GBE1: variants seen among roughly 807,000 people sequenced by gnomAD.
GBE1 encodes the protein 1,4-alpha-glucan branching enzyme 1.
Under a neutral mutation model 88.8 loss-of-function variants are expected in GBE1, and 70 were observed. The ratio of observed to expected loss-of-function variants is 0.79; its 90% CI spans 0.65 to 0.96. The LOEUF (loss-of-function observed/expected upper bound fraction) is 0.96, where lower values mean the gene tolerates loss of function less well. Ranked by LOEUF, GBE1 falls within the 40% of genes least tolerant of loss-of-function variation. The pLI, the probability that GBE1 is intolerant of heterozygous loss-of-function variation, is 0.00. For missense variants in GBE1, 872 were observed against 871.0 expected (o/e 1.00, Z -0.01); for synonymous variants, 284 against 300.1 (o/e 0.95, Z 0.56).
intron 3 of GBE1, among the ~76,000 whole-genome samples, chr3:81,666,066 T>C (rs577233884): frequency 1.1e-4 from 17 of 152,168 alleles, no homozygotes; most frequent in Non-Finnish European, 2.5e-4. Context: ...ATGGACTTGA[T>C]TCTTCAAGTA....
At chr3:81,496,440 T>C (rs373261061) in intron 15 of GBE1, among the ~76,000 whole-genome samples, 28 of 152,354 alleles carry the variant, frequency 1.8e-4, no homozygotes, top group African/African-American at 6.7e-4. Flanking sequence ...CTTTGGATTA[T>C]TAAGCTTGCA....
intron 7 of GBE1, chr3:81,612,219 T>TAAAAAAA: frequency 3.6e-6 from 1 of 280,402 alleles, no homozygotes. Flanking sequence ...CCACGCTCCT[T>TAAAAAAA]TAAAAAAAAA....
At chr3:81,732,564 A>G (rs1457203370) in intron 1 of GBE1, among the ~76,000 whole-genome samples, 1 of 152,036 alleles carries the variant, frequency 6.6e-6, no homozygotes, top group Non-Finnish European at 1.5e-5. Context: ...CTCACATCCA[A>G]TCCACCAGGA....
intron 1 of GBE1, among the ~76,000 whole-genome samples, chr3:81,737,134 G>T (rs1479015715): frequency 6.6e-6 from 1 of 151,072 alleles, no homozygotes; most frequent in African/African-American, 2.4e-5. Flanking sequence ...TTTCTCCTGA[G>T]TAGAAATAAT....
At chr3:81,545,614 A>ATGTG (rs3083686) in intron 12 of GBE1, among the ~76,000 whole-genome samples, 62,213 of 149,562 alleles carry the variant, frequency 0.42, 13,575 homozygotes, top group East Asian at 0.77. Flanking sequence ...TATCAAGCAT[A>ATGTG]TGTGTGTGTG....
At chr3:81,582,285 G>T (rs533562871) in intron 10 of GBE1, among the ~76,000 whole-genome samples, 31 of 152,186 alleles carry the variant, frequency 2.0e-4, no homozygotes, top group Middle Eastern at 6.8e-3. Flanking sequence ...TAAAAAGCAG[G>T]CATGAGTGTC....
At chr3:81,509,307 T>C (rs1576125443) in intron 14 of GBE1, among the ~76,000 whole-genome samples, 2 of 150,932 alleles carry the variant, frequency 1.3e-5, no homozygotes, top group Non-Finnish European at 3.0e-5. Flanking sequence ...TTTTTTTTTT[T>C]TTTTATAAAA....
intron 2 of GBE1, among the ~76,000 whole-genome samples, chr3:81,683,571 C>T (rs1705389809): frequency 6.6e-6 from 1 of 152,138 alleles, no homozygotes; most frequent in African/African-American, 2.4e-5. Context: ...AAATAGGTAT[C>T]CTCTTCTCAA....
intron 7 of GBE1, among the ~76,000 whole-genome samples, chr3:81,598,757 T>C (rs1360287198): frequency 6.6e-6 from 1 of 151,730 alleles, no homozygotes; most frequent in Admixed American, 6.6e-5. Context: ...TCAAATACTG[T>C]TAAATAATGA....
chr3:81,492,469 A>G (rs1471158733), intron 15 of GBE1, among the ~76,000 whole-genome samples: 1 of 152,046 alleles, frequency 6.6e-6, no homozygotes, highest in African/African-American at 2.4e-5. Context: ...AAACCAAAGC[A>G]AAGAAGGAGA....
At chr3:81,492,773 A>G (rs1244005401) in intron 15 of GBE1, among the ~76,000 whole-genome samples, 1 of 133,068 alleles carries the variant, frequency 7.5e-6, no homozygotes, top group Non-Finnish European at 1.6e-5. Flanking sequence ...GAGTCTTGCT[A>G]TGTCACCAGG....
chr3:81,714,455 A>G (rs1011503697), intron 1 of GBE1, among the ~76,000 whole-genome samples: 1 of 152,208 alleles, frequency 6.6e-6, no homozygotes, highest in Admixed American at 6.5e-5. Context: ...CATGTGAAAT[A>G]ATGAATACAC....
In GBE1 at chr3:81,670,907, T is replaced by C; in HGVS notation, c.360A>G (p.Gly120=). ...FSYPYKKLDY[G]KWELYIPPKQ... ...TTGGTGGGATATACAGCTCCCATTTTCCATAATCCAGTTTTTTGTATGGGT... is the reference window on the plus strand; with the variant it reads ...TTGGTGGGATATACAGCTCCCATTTCCCATAATCCAGTTTTTTGTATGGGT... The change falls in exon 3 of 16, where the codon GGA becomes GGG. Residue 120 remains glycine (G), a synonymous_variant. Transcript: ENST00000429644. The C allele has an allele frequency of 6.4e-7, 1 of 1,574,488 alleles. No individual in the cohort carries two copies.
chr3:81,625,405 C>T (rs1333077052), intron 7 of GBE1, among the ~76,000 whole-genome samples: 1 of 151,950 alleles, frequency 6.6e-6, no homozygotes. Context: ...TTACATCTTT[C>T]CTAAAACTGA....
intron 7 of GBE1, among the ~76,000 whole-genome samples, chr3:81,627,347 A>T (rs186344542): frequency 6.6e-6 from 1 of 152,326 alleles, no homozygotes; most frequent in African/African-American, 2.4e-5. Flanking sequence ...TGAGGAATAA[A>T]GTGGGAAACA....
intron 14 of GBE1, among the ~76,000 whole-genome samples, chr3:81,520,538 A>G (rs1173842443): frequency 6.6e-6 from 1 of 151,634 alleles, no homozygotes; most frequent in East Asian, 1.9e-4. Context: ...TGCCAACTTG[A>G]TAATGTTCTA....
chr3:81,544,528 A>G (rs780912860), intron 12 of GBE1, among the ~76,000 whole-genome samples: 1 of 152,188 alleles, frequency 6.6e-6, no homozygotes, highest in Admixed American at 6.5e-5. Context: ...TCAATATAGT[A>G]ACAGAACTGG....
intron 7 of GBE1, among the ~76,000 whole-genome samples, chr3:81,621,109 G>T (rs1162078604): frequency 6.6e-6 from 1 of 152,132 alleles, no homozygotes; most frequent in Non-Finnish European, 1.5e-5. Flanking sequence ...CAGTTACTCT[G>T]TTATAAGCAA....
intron 12 of GBE1, among the ~76,000 whole-genome samples, chr3:81,563,417 C>T (rs1405498408): frequency 6.6e-6 from 1 of 152,046 alleles, no homozygotes; most frequent in Non-Finnish European, 1.5e-5. Context: ...AAGGGTAGGG[C>T]TATTCATTTG....
Sources: allele counts gnomAD v4.1 joint callset (sites outside exome capture counted in the v4.1 genomes callset), GRCh38; gene constraint gnomAD v4.1.1; transcripts MANE v1.5; gene names NCBI Gene and HGNC (gene_info 2026-07-23, HGNC 2026-07-21).